TMEM87B: variants seen among roughly 807,000 people sequenced by gnomAD.
TMEM87B encodes the protein transmembrane protein 87B.
TMEM87B carries 83 observed loss-of-function variants against 80.3 expected under a neutral mutation model. The ratio of observed to expected loss-of-function variants is 1.03; its 90% confidence interval spans 0.87 to 1.24. The LOEUF (loss-of-function observed/expected upper bound fraction) is 1.24, where lower values mean the gene tolerates loss of function less well. TMEM87B is among the 50% of genes most tolerant of loss of function. The pLI is 0.00. For missense variants in TMEM87B, 625 were observed against 674.4 expected (o/e 0.93, Z 0.81); for synonymous variants, 219 against 230.5 (o/e 0.95, Z 0.45).
intron 7 of TMEM87B, 42 bp from the exon 8 acceptor site, chr2:112,081,293 A>T (rs1678989725): frequency 1.3e-6 from 2 of 1,547,338 alleles, no homozygotes; most frequent in African/African-American, 2.8e-5. Context: ...CTTTCAAATG[A>T]CCAAAAGGCT....
At chr2:112,113,153 G>A (rs7581849) in intron 18 of TMEM87B, among the ~76,000 whole-genome samples, 107,174 of 152,108 alleles carry the variant, frequency 0.7, 39,248 homozygotes, top group African/African-American at 0.9. Context: ...GAAATGAAGG[G>A]TTATTTTATG....
intron 11 of TMEM87B, among the ~76,000 whole-genome samples, chr2:112,096,765 G>A (rs1573718056): frequency 6.6e-6 from 1 of 152,224 alleles, no homozygotes; most frequent in Admixed American, 6.5e-5. Context: ...CCCGTGTTGC[G>A]GGTGCATGGC....
chr2:112,060,135 C>G (rs1573676818), intron 2 of TMEM87B, 98 bp downstream of exon 2: 1 of 1,312,404 alleles, frequency 7.6e-7, no homozygotes, highest in Non-Finnish European at 9.9e-7. Flanking sequence ...ATCACAAGGT[C>G]GGGAGTTCAG....
At chr2:112,104,131 T>A (rs1271726334) in intron 15 of TMEM87B, among the ~76,000 whole-genome samples, 2 of 152,224 alleles carry the variant, frequency 1.3e-5, no homozygotes, top group African/African-American at 4.8e-5. Flanking sequence ...CAACTGTTAT[T>A]CTTCTAGAAG....
chr2:112,083,425 G>A (rs982727022), intron 8 of TMEM87B, among the ~76,000 whole-genome samples: 2 of 152,212 alleles, frequency 1.3e-5, no homozygotes, highest in African/African-American at 4.8e-5. Flanking sequence ...AAGTTCCTCA[G>A]TTGTTCTAGC....
At chr2:112,074,851 A>C (rs1678760136) in intron 4 of TMEM87B, 61 bp from the exon 5 acceptor site, 2 of 1,454,600 alleles carry the variant, frequency 1.4e-6, no homozygotes, top group East Asian at 5.3e-5. Flanking sequence ...TAATTATTAA[A>C]ACAATTTTTC....
At chr2:112,060,450 A>G (rs1678216468) in intron 2 of TMEM87B, among the ~76,000 whole-genome samples, 1 of 152,200 alleles carries the variant, frequency 6.6e-6, no homozygotes, top group Non-Finnish European at 1.5e-5. Flanking sequence ...ATAATAAACT[A>G]AGCAAATGTT....
At chr2:112,109,889 C>T (rs1679868545) in intron 17 of TMEM87B, among the ~76,000 whole-genome samples, 1 of 151,564 alleles carries the variant, frequency 6.6e-6, no homozygotes, top group Non-Finnish European at 1.5e-5. Context: ...GCCTCAGCCT[C>T]CTGGGTAGCT....
chr2:112,092,002 C>T (rs1193318611), intron 11 of TMEM87B, among the ~76,000 whole-genome samples: 3 of 152,126 alleles, frequency 2.0e-5, no homozygotes, highest in African/African-American at 4.8e-5. Context: ...TCAGTATGTG[C>T]CCCATACTGA....
At chr2:112,074,734 G>C (rs191187308) in intron 4 of TMEM87B, among the ~76,000 whole-genome samples, 178 bp from the exon 5 acceptor site, 2 of 152,174 alleles carry the variant, frequency 1.3e-5, no homozygotes, top group African/African-American at 2.4e-5. Context: ...TATAATAGGG[G>C]CAATTTTTCA....
At chr2:112,081,607 A>G in intron 8 of TMEM87B, 89 bp downstream of exon 8, 2 of 1,208,960 alleles carry the variant, frequency 1.7e-6, no homozygotes, top group Non-Finnish European at 2.3e-6. Context: ...CCTTCTGAAC[A>G]GTGGTTTGGA....
At chr2:112,110,752 GTCT>G (rs1312351347) in intron 17 of TMEM87B, among the ~76,000 whole-genome samples, 1 of 151,576 alleles carries the variant, frequency 6.6e-6, no homozygotes, top group African/African-American at 2.4e-5. Flanking sequence ...ACTTTTTACT[GTCT>G]TCTTTTTATT....
In TMEM87B at chr2:112,055,665, T is replaced by A; in HGVS notation, c.74T>A (p.Leu25Gln). Residue 25 changes from leucine to glutamine, a missense_variant, in exon 1 of 19, where the codon CTG becomes CAG. By Grantham distance (113) the Leu-to-Gln change is moderately radical. Transcript: ENST00000283206. The stretch of plus-strand genomic sequence containing the variant: ...CGCTGCTTTCCCGCCCGGGCCCCGC[T>A]GCTGCGCGTCGCCCTCTGCCTCCTG... ...RRRCFPARAP[L>Q]LRVALCLLCW... 6.3e-7 allele frequency: 1 copy of A among 1,584,470 alleles called. No individual in the cohort carries two copies. The highest frequency in any genetic ancestry group is 8.6e-7 in the Non-Finnish European group (1 of 1,168,430).
Position 112,116,730 on chromosome 2 carries a change from C to T in TMEM87B, c.*587C>T, listed in dbSNP as rs1680036879. The T allele has an allele frequency of 7.1e-6, 1 of 140,226 alleles. No homozygotes were observed. Among genetic ancestry groups the T allele is most frequent in the African/African-American group, 2.6e-5 (1 of 38,566 alleles). 8.7% of individuals were successfully genotyped at this position (140,226 alleles called of 1,614,324 possible). ...CCCTTTTTAAAAAATCTATACAAAG[C>T]CCTTGTTTGAGTCTCATCATGCACA... On this transcript the variant is annotated 3_prime_UTR_variant, in exon 19 of 19. Coordinates refer to ENST00000283206, the MANE Select transcript of TMEM87B (RefSeq NM_032824.3).
chr2:112,099,758 T>G (rs1000453812), intron 14 of TMEM87B, among the ~76,000 whole-genome samples: 2 of 150,436 alleles, frequency 1.3e-5, no homozygotes, highest in Non-Finnish European at 3.0e-5. Context: ...GTGCCTGTAC[T>G]CCCAGCTACT....
chr2:112,072,162 G>C (rs776047157), intron 4 of TMEM87B, among the ~76,000 whole-genome samples: 1 of 152,192 alleles, frequency 6.6e-6, no homozygotes, highest in Non-Finnish European at 1.5e-5. Flanking sequence ...ACTTTTTGAT[G>C]TGCTGCTGGA....
rs377015995 is a variant in TMEM87B at position 112,098,685 on chromosome 2, G to A, written c.1363G>A (p.Ala455Thr). Residue 455 changes from alanine (A) to threonine (T), a missense_variant, in exon 14 of 19, where the codon GCA becomes ACA. Coordinates refer to ENST00000283206, the MANE Select transcript of TMEM87B (RefSeq NM_032824.3). ...IVIMFLWRPS[A>T]NNQRYAFMPL... Reference sequence around the variant, plus strand: ...AATCATGTTTTTGTGGAGACCATCAGCAAACAATCAGAGGTACCTAACATA... The same window carrying A: ...AATCATGTTTTTGTGGAGACCATCAACAAACAATCAGAGGTACCTAACATA... The A allele has an allele frequency of 1.9e-6, 3 of 1,613,914 alleles. No homozygotes were observed. Among genetic ancestry groups the A allele is most frequent in the African/African-American group, 1.3e-5 (1 of 74,900 alleles).
chr2:112,102,007 T>C (rs6756084), intron 15 of TMEM87B, among the ~76,000 whole-genome samples: 1 of 152,068 alleles, frequency 6.6e-6, no homozygotes, highest in Non-Finnish European at 1.5e-5. Flanking sequence ...TTAAAAAAAA[T>C]TTTTTTAATT....
chr2:112,103,038 A>T (rs571884880), intron 15 of TMEM87B, among the ~76,000 whole-genome samples: 1 of 152,362 alleles, frequency 6.6e-6, no homozygotes, highest in South Asian at 2.1e-4. Context: ...CGCAGGCAAC[A>T]TGGTTATGTA....
Sources: gnomAD v4.1 joint callset for allele counts (sites outside exome capture counted in the v4.1 genomes callset) on GRCh38, gnomAD v4.1.1 for gene constraint, MANE v1.5 for transcripts, NCBI Gene and HGNC (gene_info 2026-07-23, HGNC 2026-07-21) for gene names.